The following TMPRSS9 variants were observed in gnomAD, a reference collection of about 807,000 sequenced individuals.
The protein encoded by TMPRSS9 is transmembrane serine protease 9, also known as transmembrane protease serine 9.
TMPRSS9 carries 113 observed loss-of-function variants against 111.4 expected under a neutral mutation model. The observed-to-expected ratio is 1.01, with a 90% CI of 0.87 to 1.19. The LOEUF is 1.19. TMPRSS9 is among the 50% of genes most tolerant of loss of function. The pLI is 0.00. For synonymous variants in TMPRSS9, 805 were observed against 659.1 expected, an observed-to-expected ratio of 1.22 and a Z score of -3.39; for missense variants, 1,803 against 1,513.1, an observed-to-expected ratio of 1.19 and a Z score of -3.18.
chr19:2,375,716 A>T (rs908872914), intron 1 of TMPRSS9, among the ~76,000 whole-genome samples: 1 of 152,190 alleles, frequency 6.6e-6, no homozygotes, highest in African/African-American at 2.4e-5. Context: ...GGTGGCTAGC[A>T]CCATGATCGA....
chr19:2,419,437 C>A (rs1030344744), intron 13 of TMPRSS9, among the ~76,000 whole-genome samples: 1 of 151,382 alleles, frequency 6.6e-6, no homozygotes, highest in African/African-American at 2.4e-5. Context: ...CTCCTGATGT[C>A]GTGATCTGCC....
At chr19:2,389,891 A>G (rs1295888649) in exon 1 of TMPRSS9, 1 of 1,613,682 alleles carries the variant, frequency 6.2e-7, no homozygotes, top group African/African-American at 1.3e-5. Context: ...CGTGGTGGCC[A>G]CCAGCCTTGT....
chr19:2,410,121 T>C, intron 8 of TMPRSS9, 137 bp from the exon 10 acceptor site: 1 of 1,210,866 alleles, frequency 8.3e-7, no homozygotes. Flanking sequence ...TTCAGAGCCA[T>C]GTGTTGTAGG....
intron 1 of TMPRSS9, among the ~76,000 whole-genome samples, chr19:2,391,259 AGT>A (rs1970585571): frequency 3.3e-4 from 49 of 150,162 alleles, no homozygotes; most frequent in Middle Eastern, 3.4e-3. Flanking sequence ...AAAAAAAAAA[AGT>A]TAATTTTAAC....
At chr19:2,371,886 C>T (rs185079641) in intron 1 of TMPRSS9, among the ~76,000 whole-genome samples, 4 of 152,228 alleles carry the variant, frequency 2.6e-5, no homozygotes, top group African/African-American at 4.8e-5. Context: ...GAGAGAGTGG[C>T]GTCTGTTGGG....
chr19:2,425,752 C>G (rs576048468), intron 17 of TMPRSS9, 175 bp from the exon 19 acceptor site: 6 of 1,161,904 alleles, frequency 5.2e-6, no homozygotes, highest in South Asian at 3.4e-5. Flanking sequence ...ACTCCGGGAC[C>G]ACGTGGCGGG....
At chr19:2,411,299 CAAAAAAAAAAA>C (rs771305642) in intron 9 of TMPRSS9, among the ~76,000 whole-genome samples, 460 of 32,302 alleles carry the variant, frequency 0.014, no homozygotes, top group African/African-American at 0.056. Flanking sequence ...GACTCTGTCT[CAAAAAAAAAAA>C]AAAAAAAAAA....
At chr19:2,424,301 T>TC in intron 15 of TMPRSS9, 44 bp downstream of exon 16, 2 of 1,311,930 alleles carry the variant, frequency 1.5e-6, no homozygotes, top group Non-Finnish European at 2.0e-6. Flanking sequence ...TCTCTGTAGC[T>TC]CACCCGGAAC....
intron 9 of TMPRSS9, among the ~76,000 whole-genome samples, chr19:2,412,922 G>A (rs573871419): frequency 1.3e-5 from 2 of 152,232 alleles, no homozygotes; most frequent in African/African-American, 2.4e-5. Flanking sequence ...GGCCAGGCAC[G>A]GTGGCTCACG....
chr19:2,368,790 T>G (rs1478362506), intron 1 of TMPRSS9, among the ~76,000 whole-genome samples: 2 of 117,076 alleles, frequency 1.7e-5, no homozygotes, highest in Non-Finnish European at 3.4e-5. Context: ...TTTTTTTTTT[T>G]TTTTTTTTTT....
intron 1 of TMPRSS9, among the ~76,000 whole-genome samples, chr19:2,361,173 T>TGG (rs1970193119): frequency 2.2e-5 from 1 of 44,456 alleles, no homozygotes. Context: ...GTCTGGGGTG[T>TGG]GGTGCGGGGC....
intron 1 of TMPRSS9, among the ~76,000 whole-genome samples, chr19:2,368,774 GTTTTTTTTTTTT>G (rs762761358): frequency 9.9e-5 from 7 of 70,366 alleles, no homozygotes; most frequent in Admixed American, 2.0e-4. Context: ...GATAAACCCA[GTTTTTTTTTTTT>G]TTTTTTTTTT....
chr19:2,387,593 G>A (rs374340007), upstream of TMPRSS9, among the ~76,000 whole-genome samples: 118 of 151,726 alleles, frequency 7.8e-4, no homozygotes, highest in African/African-American at 2.8e-3. Flanking sequence ...AGGGAGAAAG[G>A]AAAATGAGCA....
intron 13 of TMPRSS9, among the ~76,000 whole-genome samples, chr19:2,420,302 C>T (rs1255584996): frequency 6.6e-6 from 1 of 152,046 alleles, no homozygotes; most frequent in Non-Finnish European, 1.5e-5. Context: ...TTTAGCCAGG[C>T]ATGGTGGCGG....
intron 17 of TMPRSS9, 24 bp downstream of exon 18, chr19:2,425,517 G>A (rs1173871815): frequency 2.6e-6 from 4 of 1,539,428 alleles, no homozygotes; most frequent in Admixed American, 2.0e-5. Context: ...CGGCCCAGGG[G>A]ACCAGGTCCC....
intron 1 of TMPRSS9, among the ~76,000 whole-genome samples, chr19:2,370,264 C>CAA (rs1430701685): frequency 6.6e-6 from 1 of 150,732 alleles, no homozygotes; most frequent in Non-Finnish European, 1.5e-5. Flanking sequence ...CTAAAAATAA[C>CAA]AAAAAAATTA....
At chr19:2,389,689 A>G (rs1262321902), upstream of TMPRSS9, 7 of 1,455,828 alleles carry the variant, frequency 4.8e-6, no homozygotes, top group Non-Finnish European at 6.4e-6. Flanking sequence ...TATAGTTGCA[A>G]CCCTTGCTTA....
chr19:2,408,284 G>T, intron 7 of TMPRSS9, 72 bp from the exon 9 acceptor site: 3 of 1,501,654 alleles, frequency 2.0e-6, no homozygotes, highest in South Asian at 2.4e-5. Context: ...TGCACCCAAG[G>T]CGAGTGTCCC....
chr19:2,407,609 T>C (rs200145461), intron 7 of TMPRSS9, among the ~76,000 whole-genome samples: 11 of 86,166 alleles, frequency 1.3e-4, no homozygotes, highest in African/African-American at 4.1e-4. Context: ...TTTTCTTTTC[T>C]TTTTTTTTTT....
Sources: allele counts gnomAD v4.1 joint callset (sites outside exome capture counted in the v4.1 genomes callset), GRCh38; gene constraint gnomAD v4.1.1; transcripts MANE v1.5; gene names NCBI Gene and HGNC (gene_info 2026-07-23, HGNC 2026-07-21).